CAPN9: variants seen among roughly 807,000 people sequenced by gnomAD.
The protein encoded by CAPN9 is calpain-9.
Under a neutral mutation model 92.8 loss-of-function variants are expected in CAPN9, and 81 were observed. That is an observed-to-expected ratio of 0.87 (90% CI 0.73 to 1.05). The LOEUF (loss-of-function observed/expected upper bound fraction) is 1.05. CAPN9 is among the 50% of genes least tolerant of loss of function. The pLI, the probability that CAPN9 is intolerant of heterozygous loss-of-function variation, is 0.00. For missense variants in CAPN9, 848 were observed against 866.2 expected, an observed-to-expected ratio of 0.98 and a Z score of 0.26; for synonymous variants, 304 against 328.0, an observed-to-expected ratio of 0.93 and a Z score of 0.79.
At position 230,762,801 on chromosome 1, in the gene CAPN9, C is replaced by T. The variant is rs1012022636; in HGVS notation, c.536+15C>T. 2 of 1,612,732 alleles carry T rather than the reference C, an allele frequency of 1.2e-6. No individual in the cohort carries two copies. Among genetic ancestry groups the T allele is most frequent in the Non-Finnish European group, 1.7e-6 (2 of 1,179,280 alleles). On this transcript the variant is annotated intron_variant, in intron 4 of 19. Transcript: ENST00000271971. ...GCCTACGCCAAGTGAGTGACAGCTT[C>T]CCCAGCTCAGGCAGCCTCCCGACAG...
chr1:230,750,189 C>A (rs901946783), intron 1 of CAPN9, among the ~76,000 whole-genome samples: 1 of 152,150 alleles, frequency 6.6e-6, no homozygotes, highest in Non-Finnish European at 1.5e-5. Context: ...TACACACAAG[C>A]CCCTGCCAAG....
In CAPN9 at chr1:230,748,040, G is replaced by A. The variant is rs907513108; in HGVS notation, c.213+331G>A. ...ATCAAAACCTTATCCACAAGGACAG[G>A]CCCCCACCCTGTGTGTGGTAACACT... On this transcript the variant is annotated intron_variant, in intron 1 of 19. Coordinates refer to ENST00000271971, the MANE Select transcript of CAPN9 (RefSeq NM_006615.3). Among the ~76,000 whole-genome samples, 3 of 152,142 alleles carry A rather than the reference G, an allele frequency of 2.0e-5. No homozygotes were observed. In the East Asian group the frequency reaches 5.8e-4, roughly 29 times the overall value.
chr1:230,751,287 C>T (rs1032333491), intron 1 of CAPN9, among the ~76,000 whole-genome samples: 1 of 152,182 alleles, frequency 6.6e-6, no homozygotes, highest in Non-Finnish European at 1.5e-5. Flanking sequence ...ATGGCCTCCA[C>T]AGTGCTGGGC....
intron 5 of CAPN9, among the ~76,000 whole-genome samples, chr1:230,768,211 G>A (rs181543787): frequency 0.011 from 1,749 of 152,172 alleles, 8 homozygotes; most frequent in Middle Eastern, 0.034. Flanking sequence ...TCCAGGCTGG[G>A]TGACAGATCA....
intron 4 of CAPN9, among the ~76,000 whole-genome samples, chr1:230,763,819 G>A (rs139969819): frequency 6.6e-6 from 1 of 152,210 alleles, no homozygotes; most frequent in African/African-American, 2.4e-5. Context: ...AGATGCCCAC[G>A]CTTGCCCTCT....
rs142590080 is a variant in CAPN9 at position 230,780,583 on chromosome 1, G to C, written c.1356G>C (p.Leu452=). Residue 452 remains leucine (L), a synonymous_variant, in exon 11 of 20, where the codon CTG becomes CTC. Coordinates refer to ENST00000271971, the MANE Select transcript of CAPN9 (RefSeq NM_006615.3). ...CCAGAAGCAAGACGTTCATCAACCT[G>C]AGAGAAGTCTCCGACCGGTTCAAGC... ...SRARSKTFIN[L]REVSDRFKLP... 3.2e-5 allele frequency: 52 copies of C among 1,614,192 alleles called. No homozygotes were observed. In the African/African-American group the frequency reaches 6.3e-4, roughly 19 times the overall value.
intron 19 of CAPN9, among the ~76,000 whole-genome samples, chr1:230,800,666 A>G (rs1003305685): frequency 7.9e-5 from 12 of 152,122 alleles, no homozygotes; most frequent in African/African-American, 2.7e-4. Flanking sequence ...CCATCTTTAC[A>G]TCTGGCTGCA....
rs773793654 is a variant in CAPN9 at position 230,747,572 on chromosome 1, G to T, written c.76G>T (p.Gly26Cys). The change falls in exon 1 of 20, where the codon GGC (glycine) becomes TGC (cysteine). Residue 26 changes from glycine (G) to cysteine (C), a missense_variant. Physicochemically the swap from Gly to Cys is radical, Grantham distance 159. Transcript: ENST00000271971. ...PKDARITHSS[G>C]QSFEQMRQEC... ...GGACGCCCGGATCACCCACTCCTCA[G>T]GCCAGAGCTTTGAGCAAATGAGGCA... is the stretch of plus-strand genomic sequence containing the variant. The T allele has an allele frequency of 1.7e-5, 27 of 1,614,070 alleles. No individual in the cohort carries two copies. The highest frequency in any genetic ancestry group is 2.3e-5 in the Non-Finnish European group (27 of 1,180,046).
At chr1:230,783,504 T>C (rs1267916680) in intron 11 of CAPN9, among the ~76,000 whole-genome samples, 1 of 152,206 alleles carries the variant, frequency 6.6e-6, no homozygotes, top group Non-Finnish European at 1.5e-5. Flanking sequence ...ATGTGGCACC[T>C]GCCCCACCCC....
chr1:230,776,673 C>G (rs751737511), intron 8 of CAPN9: 31 of 152,192 alleles, frequency 2.0e-4, no homozygotes, highest in Non-Finnish European at 3.5e-4. Flanking sequence ...GTGGGTGGCT[C>G]TGTTCATACA....
At chr1:230,762,934 C>A in intron 4 of CAPN9, 148 bp downstream of exon 4, 1 of 813,018 alleles carries the variant, frequency 1.2e-6, no homozygotes, top group Non-Finnish European at 1.8e-6. Context: ...AGGGCTCAAG[C>A]GGGGTTGGAG....
chr1:230,756,973 G>A (rs1327519449), intron 2 of CAPN9, among the ~76,000 whole-genome samples: 4 of 140,274 alleles, frequency 2.9e-5, no homozygotes, highest in East Asian at 4.2e-4. Flanking sequence ...AGGAAGGAAA[G>A]AAGGAAGGGA....
chr1:230,750,162 C>T (rs1307664473), intron 1 of CAPN9, among the ~76,000 whole-genome samples: 3 of 152,162 alleles, frequency 2.0e-5, no homozygotes, highest in African/African-American at 7.2e-5. Context: ...CCTTCATCCA[C>T]AGGCCAGGGC....
intron 17 of CAPN9, 111 bp downstream of exon 17, chr1:230,793,039 G>A: frequency 1.2e-6 from 1 of 811,530 alleles, no homozygotes; most frequent in East Asian, 2.4e-5. Context: ...GGGCCTCTGA[G>A]CCCAGTTGGT....
chr1:230,755,507 C>A, intron 2 of CAPN9, 101 bp downstream of exon 2: 1 of 825,700 alleles, frequency 1.2e-6, no homozygotes, highest in Non-Finnish European at 1.9e-6. Context: ...AGGCACGGGG[C>A]TGGGGGAACA....
At chr1:230,780,081 CGTGTGTGTGTGTGT>C (rs59033537) in intron 9 of CAPN9, 84 bp from the exon 10 acceptor site, 387 of 646,502 alleles carry the variant, frequency 6.0e-4, no homozygotes, top group Middle Eastern at 3.0e-3. Context: ...GGTGTATGTG[CGTGTGTGTGTGTGT>C]GTGTGTGTGT....
intron 15 of CAPN9, 60 bp from the exon 16 acceptor site, chr1:230,792,366 T>C: frequency 1.4e-6 from 2 of 1,414,778 alleles, no homozygotes; most frequent in South Asian, 1.2e-5. Context: ...AGAGCTGAGG[T>C]CCCACGAGGA....
rs201934852 is a variant in CAPN9, at chr1:230,769,214, C to T, written c.740C>T (p.Pro247Leu). 74 of 1,613,996 alleles carry T rather than the reference C, an allele frequency of 4.6e-5. No homozygotes were observed. The highest frequency in any genetic ancestry group is 4.0e-5 in the African/African-American group (3 of 74,914). ...RSAAESEARTPFGLIKGHAYS... is the reference protein window; with the variant it reads ...RSAAESEARTLFGLIKGHAYS... Reference sequence around the variant, plus strand: ...GCTGCAGAATCTGAGGCCCGGACGCCGTTTGGTCTTATTAAGGGTCATGCC... The same window carrying T: ...GCTGCAGAATCTGAGGCCCGGACGCTGTTTGGTCTTATTAAGGGTCATGCC... Residue 247 changes from proline (P) to leucine (L), a missense_variant, in exon 6 of 20, where the codon CCG becomes CTG. Coordinates refer to ENST00000271971, the MANE Select transcript of CAPN9 (RefSeq NM_006615.3).
chr1:230,788,420 C>G (rs976731773), intron 13 of CAPN9, among the ~76,000 whole-genome samples: 1 of 152,114 alleles, frequency 6.6e-6, no homozygotes, highest in Non-Finnish European at 1.5e-5. Context: ...GGAAGTCTTT[C>G]TAGAAACTGC....
Sources: allele counts gnomAD v4.1 joint callset (sites outside exome capture counted in the v4.1 genomes callset), GRCh38; gene constraint gnomAD v4.1.1; transcripts MANE v1.5; gene names NCBI Gene and HGNC (gene_info 2026-07-23, HGNC 2026-07-21).